The following FRMD4A variants were observed in gnomAD, a reference collection of about 807,000 sequenced individuals.
The protein encoded by FRMD4A is FERM domain-containing protein 4A.
In FRMD4A, 29 loss-of-function variants were observed where a neutral mutation model predicts 129.1. The ratio of observed to expected loss-of-function variants is 0.22; its 90% CI spans 0.17 to 0.31. The LOEUF is 0.31. FRMD4A is among the 10% of genes least tolerant of loss of function. The pLI, the probability that FRMD4A is intolerant of heterozygous loss-of-function variation, is 1.00. For synonymous variants in FRMD4A, 634 were observed against 571.6 expected (o/e 1.11, Z -1.56); for missense variants, 1,272 against 1,375.8 (o/e 0.92, Z 1.19).
intron 2 of FRMD4A, among the ~76,000 whole-genome samples, chr10:14,197,146 A>C (rs2131933222): frequency 6.6e-6 from 1 of 152,094 alleles, no homozygotes; most frequent in Non-Finnish European, 1.5e-5. Flanking sequence ...CAACCCAGAA[A>C]CTCCCTGGTC....
At chr10:14,303,626 G>A (rs948647941) in intron 2 of FRMD4A, among the ~76,000 whole-genome samples, 1 of 152,184 alleles carries the variant, frequency 6.6e-6, no homozygotes, top group Non-Finnish European at 1.5e-5. Flanking sequence ...CAGGACTCGG[G>A]AAGCAGGAGA....
chr10:13,654,026 T>C (rs574958177), intron 23 of FRMD4A: 2 of 372,528 alleles, frequency 5.4e-6, no homozygotes, highest in Non-Finnish European at 9.6e-6. Context: ...TGCCCCAGTG[T>C]ATTTGCTGTC....
intron 2 of FRMD4A, among the ~76,000 whole-genome samples, chr10:13,981,724 G>T (rs1262105542): frequency 7.3e-6 from 1 of 137,818 alleles, no homozygotes; most frequent in African/African-American, 2.7e-5. Flanking sequence ...GGGCAACAGG[G>T]CAAGACTCCG....
intron 2 of FRMD4A, among the ~76,000 whole-genome samples, chr10:14,132,203 G>A (rs1020783104): frequency 1.3e-5 from 2 of 152,130 alleles, no homozygotes; most frequent in Non-Finnish European, 2.9e-5. Flanking sequence ...CAGGAGAATC[G>A]CTTGAGTCTG....
chr10:13,654,628 G>A (rs1589216420), intron 22 of FRMD4A, 116 bp from the exon 23 acceptor site: 1 of 670,828 alleles, frequency 1.5e-6, no homozygotes. Context: ...CATTTCCAGG[G>A]ATGCTGGGAA....
intron 2 of FRMD4A, among the ~76,000 whole-genome samples, chr10:14,190,373 T>A (rs2131921108): frequency 6.6e-6 from 1 of 152,276 alleles, no homozygotes; most frequent in Non-Finnish European, 1.5e-5. Context: ...GTTTGTTTGT[T>A]TTTTGTTCAT....
intron 2 of FRMD4A, among the ~76,000 whole-genome samples, chr10:14,267,928 A>T (rs915957742): frequency 7.9e-5 from 12 of 152,254 alleles, no homozygotes; most frequent in African/African-American, 2.9e-4. Flanking sequence ...ACAGCCTAAC[A>T]TTAAAACATC....
At chr10:13,838,070 T>G (rs2093903345) in intron 3 of FRMD4A, among the ~76,000 whole-genome samples, 2 of 152,146 alleles carry the variant, frequency 1.3e-5, no homozygotes, top group South Asian at 4.1e-4. Context: ...GAAAGATTGC[T>G]GAATTACAAC....
In FRMD4A at chr10:13,666,163, C is replaced by A; in HGVS notation, c.1537G>T (p.Ala513Ser). ...ALKKLQEIEN[A>S]INENRIKSGK... The stretch of plus-strand genomic sequence containing the variant: ...GACTTGATGCGGTTCTCATTGATTG[C>A]ATTTTCAATCTCCTGCAGTTTCTTC... Residue 513 changes from alanine to serine, a missense_variant, in exon 18 of 25, where the codon GCA becomes TCA. Coordinates refer to ENST00000357447, the MANE Select transcript of FRMD4A (RefSeq NM_018027.5). 1 of 1,613,692 alleles carries A rather than the reference C, an allele frequency of 6.2e-7. No individual in the cohort carries two copies. Among genetic ancestry groups the A allele is most frequent in the Non-Finnish European group, 8.5e-7 (1 of 1,179,544 alleles).
At chr10:13,915,429 T>C (rs2094990138) in intron 2 of FRMD4A, among the ~76,000 whole-genome samples, 1 of 151,648 alleles carries the variant, frequency 6.6e-6, no homozygotes, top group South Asian at 2.1e-4. Flanking sequence ...TCCCAGCACT[T>C]TGGGAGGCTG....
intron 12 of FRMD4A, among the ~76,000 whole-genome samples, chr10:13,734,150 C>T (rs2090482567): frequency 6.6e-6 from 1 of 152,170 alleles, no homozygotes; most frequent in Non-Finnish European, 1.5e-5. Flanking sequence ...CTCCTTCTCT[C>T]ATGGCCTCCC....
At chr10:14,188,720 C>T (rs910609044) in intron 2 of FRMD4A, among the ~76,000 whole-genome samples, 1 of 152,206 alleles carries the variant, frequency 6.6e-6, no homozygotes, top group Non-Finnish European at 1.5e-5. Flanking sequence ...ACCTGGGCAA[C>T]ATAGTGAGAC....
intron 2 of FRMD4A, among the ~76,000 whole-genome samples, chr10:14,231,537 G>T (rs1004187260): frequency 1.3e-5 from 2 of 152,028 alleles, no homozygotes; most frequent in Non-Finnish European, 2.9e-5. Flanking sequence ...TAGTAGAGAC[G>T]AGGTTTCACC....
At chr10:14,235,458 T>G (rs929736724) in intron 2 of FRMD4A, among the ~76,000 whole-genome samples, 11 of 152,210 alleles carry the variant, frequency 7.2e-5, no homozygotes, top group Admixed American at 6.5e-4. Context: ...GCCACCACCA[T>G]TTTTTCATAC....
At chr10:14,278,651 A>C (rs1391342956) in intron 2 of FRMD4A, among the ~76,000 whole-genome samples, 1 of 152,166 alleles carries the variant, frequency 6.6e-6, no homozygotes, top group Non-Finnish European at 1.5e-5. Flanking sequence ...TACGGGTAAG[A>C]TGGGGAAAAG....
At chr10:14,236,433 T>A (rs898554182) in intron 2 of FRMD4A, among the ~76,000 whole-genome samples, 1 of 152,098 alleles carries the variant, frequency 6.6e-6, no homozygotes, top group Admixed American at 6.5e-5. Context: ...GAGGTCTAGG[T>A]GGCAGGAGAG....
At chr10:13,807,793 A>G (rs1486719784) in intron 4 of FRMD4A, among the ~76,000 whole-genome samples, 1 of 126,510 alleles carries the variant, frequency 7.9e-6, no homozygotes, top group Non-Finnish European at 1.6e-5. Context: ...TCTATTATTT[A>G]GAAATTCTTT....
rs145429985 is a variant in FRMD4A, at chr10:13,917,343, C to G, written c.46-58431G>C. 2.1e-3 allele frequency among the ~76,000 whole-genome samples: 302 copies of G among 145,910 alleles called. 5 individuals carry two copies. Among genetic ancestry groups the G allele is most frequent in the Non-Finnish European group, 2.8e-3 (187 of 67,390 alleles). On this transcript the variant is annotated intron_variant, in intron 2 of 24. Transcript: ENST00000357447. ...TGTCGCCCAGTCTGGAGTACAGTGG[C>G]GCAATCTTGGCTCACTGCAAACTGC...
chr10:14,038,197 C>T (rs554282223), intron 2 of FRMD4A, among the ~76,000 whole-genome samples: 10 of 152,302 alleles, frequency 6.6e-5, no homozygotes, highest in South Asian at 4.2e-4. Flanking sequence ...GTGGCGGGCG[C>T]CTGTAGTCCC....
Sources: allele counts gnomAD v4.1 joint callset (sites outside exome capture counted in the v4.1 genomes callset), GRCh38; gene constraint gnomAD v4.1.1; transcripts MANE v1.5; gene names NCBI Gene and HGNC (gene_info 2026-07-23, HGNC 2026-07-21).